The following CNBD1 variants were observed in gnomAD, a reference collection of about 807,000 sequenced individuals.
CNBD1 encodes cyclic nucleotide-binding domain-containing protein 1.
In CNBD1, 71 loss-of-function variants were observed where a neutral mutation model predicts 54.4. The ratio of observed to expected loss-of-function variants is 1.30; its 90% CI spans 1.08 to 1.59. The LOEUF (loss-of-function observed/expected upper bound fraction) is 1.59, where lower values mean the gene tolerates loss of function less well. CNBD1 is among the 40% of genes most tolerant of loss of function. CNBD1 has a pLI of 0.00. For missense variants in CNBD1, 659 were observed against 518.0 expected (o/e 1.27, Z -2.64); for synonymous variants, 182 against 170.7 (o/e 1.07, Z -0.51).
At chr8:87,119,620 G>A (rs191386470) in intron 4 of CNBD1, among the ~76,000 whole-genome samples, 71 of 152,016 alleles carry the variant, frequency 4.7e-4, no homozygotes, top group Non-Finnish European at 9.1e-4. Flanking sequence ...GAATTACGTC[G>A]AATAGGAGTG....
intron 4 of CNBD1, among the ~76,000 whole-genome samples, chr8:87,056,051 A>T (rs1810411253): frequency 6.6e-6 from 1 of 152,202 alleles, no homozygotes; most frequent in Admixed American, 6.6e-5. Flanking sequence ...GCAAAAATCA[A>T]CAATCAATGT....
At chr8:86,977,532 CAA>C (rs2130502150) in intron 4 of CNBD1, among the ~76,000 whole-genome samples, 1 of 152,038 alleles carries the variant, frequency 6.6e-6, no homozygotes, top group African/African-American at 2.4e-5. Flanking sequence ...AATCAGAAAT[CAA>C]AGAGGAGACA....
intron 2 of CNBD1, among the ~76,000 whole-genome samples, chr8:87,420,846 TAAC>T (rs751445701): frequency 6.6e-6 from 1 of 151,970 alleles, no homozygotes; most frequent in Non-Finnish European, 1.5e-5. Context: ...TCATATATCT[TAAC>T]AATACAATAG....
chr8:87,045,173 C>T (rs988432598), intron 4 of CNBD1, among the ~76,000 whole-genome samples: 5 of 152,204 alleles, frequency 3.3e-5, no homozygotes, highest in Admixed American at 3.3e-4. Context: ...CCATTTGCAG[C>T]ACTACTTGGA....
chr8:87,199,517 T>G (rs759347935), intron 4 of CNBD1, among the ~76,000 whole-genome samples: 25 of 152,226 alleles, frequency 1.6e-4, no homozygotes, highest in Non-Finnish European at 2.9e-4. Context: ...ATGTTCTTTA[T>G]TATTATTTTT....
At chr8:87,382,029 A>G (rs561303325) in intron 10 of CNBD1, among the ~76,000 whole-genome samples, 7 of 152,010 alleles carry the variant, frequency 4.6e-5, no homozygotes, top group Non-Finnish European at 1.0e-4. Flanking sequence ...ATAACATTTT[A>G]AAAAATAAAT....
intron 4 of CNBD1, among the ~76,000 whole-genome samples, chr8:87,084,919 C>T (rs1327676572): frequency 3.3e-5 from 5 of 152,192 alleles, no homozygotes; most frequent in African/African-American, 4.8e-5. Context: ...AGGTGATCCA[C>T]CTGCCTCAGT....
At position 86,908,628 on chromosome 8, in the gene CNBD1, C is replaced by CT. The variant is rs199795980; in HGVS notation, c.272+3440dup. ...TTATACCATCTGTCAAGAAATTGACCTTTTTTCAAACAGATTAAACAACCG... is the reference window on the plus strand; with the variant it reads ...TTATACCATCTGTCAAGAAATTGACCTTTTTTTCAAACAGATTAAACAACCG... On this transcript the variant is annotated intron_variant, in intron 3 of 10. Transcript: ENST00000518476. 4.3e-3 allele frequency among the ~76,000 whole-genome samples: 658 copies of CT among 151,866 alleles called. 9 individuals carry two copies. The highest frequency in any genetic ancestry group is 0.015 in the African/African-American group (634 of 41,406).
rs550586111 is a variant in CNBD1 at position 87,246,108 on chromosome 8, G to A, written c.771+8996G>A. Among the ~76,000 whole-genome samples, 139 of 151,820 alleles carry A rather than the reference G, an allele frequency of 9.2e-4. 2 individuals are homozygous for A. Among genetic ancestry groups the A allele is most frequent in the African/African-American group, 3.2e-3 (134 of 41,408 alleles). On this transcript the variant is annotated intron_variant, in intron 6 of 10. Coordinates refer to ENST00000518476, the MANE Select transcript of CNBD1 (RefSeq NM_173538.3). ...TTGGTGTTTTTTTGTAATTGCCTTG[G>A]GATTCTTTACTCCTTTAATTTTTAA... is the stretch of plus-strand genomic sequence containing the variant.
intron 4 of CNBD1, among the ~76,000 whole-genome samples, chr8:87,092,769 T>A (rs1318651297): frequency 6.6e-6 from 1 of 152,086 alleles, no homozygotes; most frequent in Admixed American, 6.6e-5. Flanking sequence ...TGTCATCACC[T>A]CACAGATTTG....
At chr8:86,869,133 G>T (rs1808405838) in intron 1 of CNBD1, among the ~76,000 whole-genome samples, 1 of 152,120 alleles carries the variant, frequency 6.6e-6, no homozygotes, top group Non-Finnish European at 1.5e-5. Context: ...GTGAAATCAG[G>T]TTCAGAGTTC....
intron 2 of CNBD1, among the ~76,000 whole-genome samples, chr8:86,893,914 TA>T (rs1393014337): frequency 1.3e-5 from 2 of 152,042 alleles, no homozygotes; most frequent in Admixed American, 6.6e-5. Flanking sequence ...TAGCTTTTAT[TA>T]CCTGAATCCA....
chr8:87,185,034 G>C (rs867877018), intron 4 of CNBD1, among the ~76,000 whole-genome samples: 1 of 152,118 alleles, frequency 6.6e-6, no homozygotes, highest in Middle Eastern at 3.4e-3. Flanking sequence ...GAAATTTTCA[G>C]AGAACTTTGT....
intron 4 of CNBD1, among the ~76,000 whole-genome samples, chr8:87,191,154 G>A (rs1476836809): frequency 2.0e-5 from 3 of 151,750 alleles, no homozygotes. Context: ...AAAGCCAACA[G>A]TGTAGACTTC....
chr8:87,323,380 G>C (rs1046449334), intron 8 of CNBD1, among the ~76,000 whole-genome samples: 5 of 139,046 alleles, frequency 3.6e-5, no homozygotes, highest in Admixed American at 2.9e-4. Context: ...CATTGAATCT[G>C]TAAATTACCT....
At chr8:87,357,989 G>A (rs1182548707) in intron 10 of CNBD1, among the ~76,000 whole-genome samples, 6 of 152,100 alleles carry the variant, frequency 3.9e-5, no homozygotes, top group Non-Finnish European at 8.8e-5. Context: ...AAGAAGCCTA[G>A]CAGCTCCTTT....
intron 10 of CNBD1, among the ~76,000 whole-genome samples, chr8:87,359,928 T>A (rs1366745611): frequency 6.6e-6 from 1 of 152,044 alleles, no homozygotes; most frequent in East Asian, 1.9e-4. Flanking sequence ...AATTATTAGT[T>A]GGTTATGTTG....
intron 4 of CNBD1, among the ~76,000 whole-genome samples, chr8:86,950,836 A>T (rs1264476860): frequency 2.6e-5 from 4 of 152,092 alleles, no homozygotes. Flanking sequence ...TGATCTGTTC[A>T]GTTTTTGGAT....
chr8:87,002,256 C>T (rs1809008645), intron 4 of CNBD1, among the ~76,000 whole-genome samples: 1 of 152,110 alleles, frequency 6.6e-6, no homozygotes, highest in African/African-American at 2.4e-5. Flanking sequence ...CAGCATCTCT[C>T]TCATACTTCA....
Sources: allele counts gnomAD v4.1 joint callset (sites outside exome capture counted in the v4.1 genomes callset), GRCh38; gene constraint gnomAD v4.1.1; transcripts MANE v1.5; gene names NCBI Gene and HGNC (gene_info 2026-07-23, HGNC 2026-07-21).